The following KIF2A variants were observed in gnomAD, a reference collection of about 807,000 sequenced individuals.
KIF2A encodes kinesin family member 2A, also known as kinesin-like protein KIF2A.
Under a neutral mutation model 100.2 loss-of-function variants are expected in KIF2A, and 22 were observed. The ratio of observed to expected loss-of-function variants is 0.22; its 90% CI spans 0.16 to 0.31. KIF2A has a LOEUF of 0.31. Among genes scored for constraint, KIF2A ranks in the 10% least tolerant of loss-of-function variants. KIF2A has a pLI of 1.00. For missense variants in KIF2A, 495 were observed against 898.7 expected, an observed-to-expected ratio of 0.55 and a Z score of 5.74; for synonymous variants, 268 against 285.9, an observed-to-expected ratio of 0.94 and a Z score of 0.63.
intron 19 of KIF2A, among the ~76,000 whole-genome samples, chr5:62,380,359 C>T (rs1314300188): frequency 2.0e-5 from 3 of 152,186 alleles, no homozygotes; most frequent in Non-Finnish European, 4.4e-5. Flanking sequence ...ACTTACTCTC[C>T]TCTTTAATAT....
intron 1 of KIF2A, among the ~76,000 whole-genome samples, chr5:62,335,098 T>C (rs532809580): frequency 1.5e-3 from 234 of 152,246 alleles, no homozygotes; most frequent in Non-Finnish European, 2.9e-3. Context: ...CCACCAGAAC[T>C]TGACCCACCA....
chr5:62,306,214 C>G lies in KIF2A; in HGVS notation c.-259C>G. 2 of 450,310 alleles carry G rather than the reference C, an allele frequency of 4.4e-6. No individual in the cohort carries two copies. Among genetic ancestry groups the G allele is most frequent in the South Asian group, 3.3e-5 (1 of 30,576 alleles). 27.9% of individuals were successfully genotyped at this position (450,310 alleles called of 1,614,324 possible). A position where few individuals can be genotyped will look rare whatever the true frequency, so the allele number is the denominator to read the frequency against. On this transcript the variant is annotated 5_prime_UTR_variant, in exon 1 of 21. Transcript: ENST00000407818. Reference sequence around the variant, plus strand: ...GCGGTGCGGGCCCTCCCACTCTACCCCGCGCCGTCTCACGGCCCCGGCCCT... The same window carrying G: ...GCGGTGCGGGCCCTCCCACTCTACCGCGCGCCGTCTCACGGCCCCGGCCCT...
At chr5:62,373,920 G>A in intron 18 of KIF2A, 83 bp downstream of exon 18, 1 of 1,137,314 alleles carries the variant, frequency 8.8e-7, no homozygotes, top group East Asian at 2.4e-5. Flanking sequence ...TCATTTAAAT[G>A]AGGTGTCAGG....
chr5:62,329,376 T>TA (rs1746531107), intron 1 of KIF2A, among the ~76,000 whole-genome samples: 1 of 152,212 alleles, frequency 6.6e-6, no homozygotes, highest in African/African-American at 2.4e-5. Flanking sequence ...GAAGGTGTAA[T>TA]GCTACATAGT....
intron 18 of KIF2A, among the ~76,000 whole-genome samples, chr5:62,376,126 C>A (rs1741530195): frequency 6.6e-6 from 1 of 152,098 alleles, no homozygotes; most frequent in South Asian, 2.1e-4. Context: ...TTTATTATTG[C>A]ATCTATTGGG....
chr5:62,322,037 A>G (rs1746117661), intron 1 of KIF2A, among the ~76,000 whole-genome samples: 1 of 152,002 alleles, frequency 6.6e-6, no homozygotes, highest in South Asian at 2.1e-4. Context: ...CTCCCATTTC[A>G]GCTTCCTGAG....
At chr5:62,328,320 G>GTT (rs11378518) in intron 1 of KIF2A, among the ~76,000 whole-genome samples, 10,218 of 144,188 alleles carry the variant, frequency 0.071, 1,128 homozygotes, top group African/African-American at 0.23. Context: ...GTACTGTGTG[G>GTT]TTTTTTTTTT....
At chr5:62,357,599 C>A in intron 7 of KIF2A, 92 bp from the exon 8 acceptor site, 1 of 598,634 alleles carries the variant, frequency 1.7e-6, no homozygotes, top group Non-Finnish European at 2.8e-6. Context: ...GTATAAATTT[C>A]TAAAACCCCT....
chr5:62,388,425 C>T lies in KIF2A; in HGVS notation c.*2856C>T, dbSNP rs899513280. 5 of 152,326 alleles carry T rather than the reference C, an allele frequency of 3.3e-5. No individual in the cohort carries two copies. Among genetic ancestry groups the T allele is most frequent in the African/African-American group, 1.2e-4 (5 of 41,434 alleles). The allele number at this position is 152,326 out of a possible 1,614,324, so 9.4% of individuals were successfully genotyped here. A position where few individuals can be genotyped will look rare whatever the true frequency, so the allele number is the denominator to read the frequency against. On this transcript the variant is annotated 3_prime_UTR_variant, in exon 21 of 21. Transcript: ENST00000407818. The stretch of plus-strand genomic sequence containing the variant: ...AGCAGACTTGGGCTTACCCAGAACC[C>T]TAAGTCTCTGACGCTATAGGATAGC...
chr5:62,308,651 T>G, intron 1 of KIF2A: 1 of 677,618 alleles, frequency 1.5e-6, no homozygotes, highest in Non-Finnish European at 2.7e-6. Context: ...AAGGACGTTA[T>G]GTTAAATGAG....
chr5:62,307,702 C>T (rs1218764763), intron 1 of KIF2A, among the ~76,000 whole-genome samples: 2 of 151,796 alleles, frequency 1.3e-5, no homozygotes, highest in East Asian at 3.9e-4. Context: ...ACTGCAACCT[C>T]CGCCTCCCGT....
chr5:62,372,877 A>T (rs1741382532), intron 17 of KIF2A, among the ~76,000 whole-genome samples: 1 of 152,148 alleles, frequency 6.6e-6, no homozygotes, highest in African/African-American at 2.4e-5. Flanking sequence ...AAATGAAGAG[A>T]TTGCCTTTAT....
At chr5:62,361,577 A>G (rs746629429) in intron 11 of KIF2A, 48 bp downstream of exon 11, 2 of 1,060,710 alleles carry the variant, frequency 1.9e-6, no homozygotes, top group South Asian at 2.7e-5. Context: ...CTGTGGTATT[A>G]TTCAGGTAAC....
At chr5:62,312,888 A>G (rs1295753546) in intron 1 of KIF2A, among the ~76,000 whole-genome samples, 1 of 152,238 alleles carries the variant, frequency 6.6e-6, no homozygotes, top group Non-Finnish European at 1.5e-5. Context: ...ATAGTGCACT[A>G]TGATATCATT....
chr5:62,350,182 T>C (rs1561266976), intron 4 of KIF2A, 62 bp downstream of exon 4: 4 of 950,844 alleles, frequency 4.2e-6, no homozygotes, highest in Non-Finnish European at 6.3e-6. Flanking sequence ...CCTGACAAGG[T>C]AAATCAAAAG....
At chr5:62,316,841 A>C (rs1284546852) in intron 1 of KIF2A, among the ~76,000 whole-genome samples, 2 of 152,194 alleles carry the variant, frequency 1.3e-5, no homozygotes, top group Non-Finnish European at 2.9e-5. Context: ...TTAGGTGTTA[A>C]AAGTTAAAAC....
chr5:62,306,855 C>G lies in KIF2A; in HGVS notation c.64+319C>G, dbSNP rs555146170. 363 of 362,884 alleles carry G rather than the reference C, an allele frequency of 1.0e-3. 1 individual carries two copies. Among genetic ancestry groups the G allele is most frequent in the African/African-American group, 4.9e-3 (224 of 45,956 alleles). The allele number at this position is 362,884 out of a possible 1,614,324, so 22.5% of individuals were successfully genotyped here. A position where few individuals can be genotyped will look rare whatever the true frequency, so the allele number is the denominator to read the frequency against. ...CTCCTCCCGCAATCTCCAGCCCCCC[C>G]CCGGGGACACCAGCCCGGGAGGGAG... is the stretch of plus-strand genomic sequence containing the variant. On this transcript the variant is annotated intron_variant, in intron 1 of 20. Transcript: ENST00000407818.
chr5:62,334,054 A>G (rs1157379186), intron 1 of KIF2A, among the ~76,000 whole-genome samples: 1 of 151,908 alleles, frequency 6.6e-6, no homozygotes, highest in Non-Finnish European at 1.5e-5. Flanking sequence ...ATATCTTTCC[A>G]TTTCCTGGCC....
chr5:62,347,505 A>G (rs1308206012), intron 2 of KIF2A, among the ~76,000 whole-genome samples: 4 of 152,268 alleles, frequency 2.6e-5, no homozygotes, highest in South Asian at 2.1e-4. Context: ...ATGTGGTTCT[A>G]TTGGTCACTG....
Sources: gnomAD v4.1 joint callset for allele counts (sites outside exome capture counted in the v4.1 genomes callset) on GRCh38, gnomAD v4.1.1 for gene constraint, MANE v1.5 for transcripts, NCBI Gene and HGNC (gene_info 2026-07-23, HGNC 2026-07-21) for gene names.